CNOT6L: variants seen among roughly 807,000 people sequenced by gnomAD.
CNOT6L encodes the protein CCR4-NOT transcription complex subunit 6 like.
A neutral mutation model predicts 64.0 loss-of-function variants in CNOT6L; 7 were observed. That is an observed-to-expected ratio of 0.11 (90% CI 0.06 to 0.21). The LOEUF (loss-of-function observed/expected upper bound fraction) is 0.21, where lower values mean the gene tolerates loss of function less well. Among genes scored for constraint, CNOT6L ranks in the 10% least tolerant of loss-of-function variants. CNOT6L has a pLI of 1.00. For synonymous variants in CNOT6L, 193 were observed against 243.4 expected, an observed-to-expected ratio of 0.79 and a Z score of 1.93; for missense variants, 245 against 669.0, an observed-to-expected ratio of 0.37 and a Z score of 6.99.
At position 77,720,482 on chromosome 4, in the gene CNOT6L, G is replaced by A. The variant is rs148460992; in HGVS notation, c.1617C>T (p.His539=). 204 of 1,613,506 alleles carry A rather than the reference G, an allele frequency of 1.3e-4. No individual in the cohort carries two copies. In the African/African-American group the frequency reaches 2.3e-3, roughly 18 times the overall value. The change falls in exon 12 of 12, where the codon CAC becomes CAT. Residue 539 remains histidine (H), a synonymous_variant. Transcript: ENST00000504123. ...CATTGACAAGAGGCAGGAGTGGAGG[G>A]TGGAGTTCAAGTTGTGTTAACAGTG... ...HFSLLTQLEL[H]PPLLPLVNGV... is the part of the protein sequence containing the mutation.
chr4:77,751,955 T>G (rs1724911635), intron 5 of CNOT6L, among the ~76,000 whole-genome samples: 1 of 152,278 alleles, frequency 6.6e-6, no homozygotes, highest in Middle Eastern at 3.4e-3. Context: ...GAAGATCACT[T>G]GAGGCCAGGA....
At chr4:77,745,340 T>G (rs979916049) in intron 6 of CNOT6L, among the ~76,000 whole-genome samples, 1 of 152,200 alleles carries the variant, frequency 6.6e-6, no homozygotes, top group African/African-American at 2.4e-5. Context: ...AAAATTTAGT[T>G]GTAAGAGAAT....
In CNOT6L at chr4:77,718,851, C is replaced by CTAAT. The variant is rs945703751; in HGVS notation, c.*1576_*1579dup. ...GGAGACAAATTGTGTATATTTAAAA[C>CTAAT]TAATTAAATAATTTAAATTTGACCT... On this transcript the variant is annotated 3_prime_UTR_variant, in exon 12 of 12. Coordinates refer to ENST00000504123, the MANE Select transcript of CNOT6L (RefSeq NM_144571.3). 7 of 152,576 alleles carry CTAAT rather than the reference C, an allele frequency of 4.6e-5. No individual in the cohort carries two copies. Among genetic ancestry groups the CTAAT allele is most frequent in the African/African-American group, 1.4e-4 (6 of 41,522 alleles). 9.5% of individuals were successfully genotyped at this position (152,576 alleles called of 1,614,324 possible). A position where few individuals can be genotyped will look rare whatever the true frequency, so the allele number is the denominator to read the frequency against.
intron 4 of CNOT6L, among the ~76,000 whole-genome samples, chr4:77,769,502 T>G (rs531820034): frequency 6.6e-6 from 1 of 152,274 alleles, no homozygotes; most frequent in East Asian, 1.9e-4. Flanking sequence ...TCTTTGTACA[T>G]CATCTGGTAC....
intron 1 of CNOT6L, among the ~76,000 whole-genome samples, chr4:77,801,209 T>C (rs919690005): frequency 1.3e-5 from 2 of 152,186 alleles, no homozygotes; most frequent in Admixed American, 1.3e-4. Context: ...CACCCAGATT[T>C]TGCCAGCAGA....
At chr4:77,748,406 T>C (rs774096879) in intron 5 of CNOT6L, 22 bp from the exon 6 acceptor site, 3 of 1,481,288 alleles carry the variant, frequency 2.0e-6, no homozygotes, top group Middle Eastern at 1.9e-4. Flanking sequence ...TTTGTAAATA[T>C]AGGTTAATTT....
chr4:77,714,438 TAAAAAAAAAAAA>T lies in CNOT6L; in HGVS notation c.*5981_*5992del, dbSNP rs201499481. The T allele has an allele frequency of 1.0e-4, 14 of 134,680 alleles. No homozygotes were observed. The highest frequency in any genetic ancestry group is 3.3e-4 in the African/African-American group (11 of 33,744). 8.3% of individuals were successfully genotyped at this position (134,680 alleles called of 1,614,324 possible). ...AGAAAAAGTACATACACACTCTCTT[TAAAAAAAAAAAA>T]AAAAAAAAAAAAAAAAAAAAAAAAA... On this transcript the variant is annotated 3_prime_UTR_variant, in exon 12 of 12. Coordinates refer to ENST00000504123, the MANE Select transcript of CNOT6L (RefSeq NM_144571.3).
intron 4 of CNOT6L, among the ~76,000 whole-genome samples, chr4:77,765,303 G>A (rs563426788): frequency 2.2e-4 from 34 of 152,136 alleles, no homozygotes; most frequent in African/African-American, 8.0e-4. Flanking sequence ...GTGCCCTAAG[G>A]GCTGCTCTGC....
rs984746567 is a variant in CNOT6L at position 77,718,371 on chromosome 4, C to T, written c.*2060G>A. On this transcript the variant is annotated 3_prime_UTR_variant, in exon 12 of 12. Transcript: ENST00000504123. ...AAGTTTTTCATGCTATTCTACTTTC[C>T]AGTACTATGCTTCAGGTAATCAATT... is the stretch of plus-strand genomic sequence containing the variant. 3 of 152,538 alleles carry T rather than the reference C, an allele frequency of 2.0e-5. No individual in the cohort carries two copies. Among genetic ancestry groups the T allele is most frequent in the African/African-American group, 7.2e-5 (3 of 41,408 alleles). 9.4% of individuals were successfully genotyped at this position (152,538 alleles called of 1,614,324 possible).
At chr4:77,738,608 T>C (rs956120414) in intron 8 of CNOT6L, among the ~76,000 whole-genome samples, 5 of 151,756 alleles carry the variant, frequency 3.3e-5, no homozygotes, top group African/African-American at 1.2e-4. Context: ...ACAAAATTAG[T>C]CAGGCATGGT....
At position 77,776,263 on chromosome 4, in the gene CNOT6L, C is replaced by T. The variant is rs1013531949; in HGVS notation, c.127+8G>A. The T allele has an allele frequency of 9.3e-6, 15 of 1,609,618 alleles. No homozygotes were observed. The African/African-American group carries it at 1.5e-4, about 16-fold the overall frequency. On this transcript the variant is annotated splice_region_variant and intron_variant, in intron 2 of 11. Transcript: ENST00000504123. ...CATTCCAGATTAAATGCTTCAGATT[C>T]CACTCACCCGAGATTTCTAATTCTG...
chr4:77,813,205 A>C (rs905952442), intron 1 of CNOT6L, among the ~76,000 whole-genome samples: 14 of 152,248 alleles, frequency 9.2e-5, no homozygotes, highest in Non-Finnish European at 1.9e-4. Flanking sequence ...AAAATGGATC[A>C]AAGATCTAAA....
At chr4:77,793,842 A>G (rs1730463951) in intron 1 of CNOT6L, among the ~76,000 whole-genome samples, 1 of 152,092 alleles carries the variant, frequency 6.6e-6, no homozygotes, top group South Asian at 2.1e-4. Context: ...AAAATTGTAA[A>G]ACAATTTTTG....
Position 77,742,845 on chromosome 4 carries a change from ATTCT to A in CNOT6L, c.718-554_718-551del, listed in dbSNP as rs1259373260. Reference sequence around the variant, plus strand: ...AATTTAATAATTATTAGTCTATTTTATTCTTTGACTCATAAAATATTTTAACAGG... The same window carrying A: ...AATTTAATAATTATTAGTCTATTTTATTGACTCATAAAATATTTTAACAGG... On this transcript the variant is annotated intron_variant, in intron 7 of 11. Transcript: ENST00000504123. Among the ~76,000 whole-genome samples, 4 of 152,166 alleles carry A rather than the reference ATTCT, an allele frequency of 2.6e-5. No individual in the cohort carries two copies. In the South Asian group the frequency reaches 8.3e-4, roughly 31 times the overall value.
chr4:77,741,047 TC>T (rs1209999979), intron 8 of CNOT6L, among the ~76,000 whole-genome samples: 2 of 152,166 alleles, frequency 1.3e-5, no homozygotes, highest in Non-Finnish European at 2.9e-5. Flanking sequence ...CAGAACATAT[TC>T]CCGTAGTTAA....
At chr4:77,731,643 G>T in intron 8 of CNOT6L, 105 bp from the exon 9 acceptor site, 5 of 837,686 alleles carry the variant, frequency 6.0e-6, no homozygotes, top group South Asian at 5.7e-5. Context: ...TTTTCTAGCT[G>T]CAAGTGACCA....
intron 1 of CNOT6L, among the ~76,000 whole-genome samples, chr4:77,818,461 T>C (rs1733816862): frequency 6.6e-6 from 1 of 151,312 alleles, no homozygotes; most frequent in Non-Finnish European, 1.5e-5. Flanking sequence ...AAAAAAAAAA[T>C]CTTACCAACG....
chr4:77,730,641 TAAGGAATAAATTGAAGTATGGTGAGA>T (rs1296213934), intron 9 of CNOT6L, among the ~76,000 whole-genome samples: 2 of 152,052 alleles, frequency 1.3e-5, no homozygotes, highest in Non-Finnish European at 2.9e-5. Context: ...TTACCTTTGA[TAAGGAATAAATTGAAGTATGGTGAGA>T]AAAGAAGGTT....
intron 1 of CNOT6L, among the ~76,000 whole-genome samples, chr4:77,788,436 T>C (rs1269829516): frequency 2.0e-5 from 3 of 152,130 alleles, no homozygotes; most frequent in African/African-American, 7.2e-5. Context: ...ATTATAATAA[T>C]AGGCAATTCG....
Sources: allele counts gnomAD v4.1 joint callset (sites outside exome capture counted in the v4.1 genomes callset), GRCh38; gene constraint gnomAD v4.1.1; transcripts MANE v1.5; gene names NCBI Gene and HGNC (gene_info 2026-07-23, HGNC 2026-07-21).